The following NDFIP2 variants were observed in gnomAD, a reference collection of about 807,000 sequenced individuals.
NDFIP2 encodes the protein NEDD4 family-interacting protein 2.
NDFIP2 carries 19 observed loss-of-function variants against 36.0 expected under a neutral mutation model. The observed-to-expected ratio is 0.53, with a 90% CI of 0.37 to 0.77. The LOEUF is 0.77. Among genes scored for constraint, NDFIP2 ranks in the 30% least tolerant of loss-of-function variants. The pLI is 0.00. For synonymous variants in NDFIP2, 181 were observed against 167.7 expected (o/e 1.08, Z -0.61); for missense variants, 446 against 435.8 (o/e 1.02, Z -0.21).
chr13:79,490,842 A>G (rs1873198413), intron 1 of NDFIP2, among the ~76,000 whole-genome samples: 1 of 152,216 alleles, frequency 6.6e-6, no homozygotes, highest in African/African-American at 2.4e-5. Context: ...TAATCAGCCA[A>G]GCACCTAGTC....
At chr13:79,529,674 C>A (rs1171392075) in intron 2 of NDFIP2, among the ~76,000 whole-genome samples, 1 of 152,150 alleles carries the variant, frequency 6.6e-6, no homozygotes, top group African/African-American at 2.4e-5. Context: ...GACCTAACTT[C>A]AGGTCCTTAG....
intron 2 of NDFIP2, among the ~76,000 whole-genome samples, chr13:79,528,211 G>GT (rs546878093): frequency 3.3e-4 from 50 of 152,166 alleles, no homozygotes; most frequent in Admixed American, 1.3e-3. Context: ...AGTGAGCTAT[G>GT]TGCCACTGCA....
At chr13:79,525,869 C>T (rs991595242) in intron 2 of NDFIP2, among the ~76,000 whole-genome samples, 3 of 152,172 alleles carry the variant, frequency 2.0e-5, no homozygotes, top group African/African-American at 7.2e-5. Flanking sequence ...TGGTTTTTCT[C>T]TTTTAATTTT....
At position 79,520,875 on chromosome 13, in the gene NDFIP2, A is replaced by G; in HGVS notation, c.387A>G (p.Ala129=). 1 of 1,613,978 alleles carries G rather than the reference A, an allele frequency of 6.2e-7. No individual in the cohort carries two copies. Among genetic ancestry groups the G allele is most frequent in the Non-Finnish European group, 8.5e-7 (1 of 1,179,886 alleles). ...AGCAGCCACCTACTTCAAACCCAGC[A>G]CCGCAGATTGTGCAGGCTGCGTCTT... ...AIEQPPTSNP[A]PQIVQAASSA... The change falls in exon 2 of 8, where the codon GCA becomes GCG. Residue 129 remains alanine (A), a synonymous_variant. Transcript: ENST00000218652.
chr13:79,484,268 G>A (rs1254677056), intron 1 of NDFIP2, among the ~76,000 whole-genome samples: 1 of 152,082 alleles, frequency 6.6e-6, no homozygotes, highest in African/African-American at 2.4e-5. Flanking sequence ...GCCCGCCTTG[G>A]CCTCTCAAAG....
chr13:79,517,813 T>C (rs1198574660), intron 1 of NDFIP2, among the ~76,000 whole-genome samples: 1 of 152,186 alleles, frequency 6.6e-6, no homozygotes, highest in Non-Finnish European at 1.5e-5. Flanking sequence ...TGAAAGTAAG[T>C]TGGTCATTCT....
At chr13:79,510,063 A>G (rs1874023956) in intron 1 of NDFIP2, among the ~76,000 whole-genome samples, 2 of 152,176 alleles carry the variant, frequency 1.3e-5, no homozygotes, top group African/African-American at 2.4e-5. Flanking sequence ...GTTGACACTC[A>G]GTATTAACTA....
chr13:79,494,720 T>C (rs190288341), intron 1 of NDFIP2, among the ~76,000 whole-genome samples: 17 of 152,000 alleles, frequency 1.1e-4, no homozygotes, highest in African/African-American at 3.9e-4. Flanking sequence ...CTCTTTCATT[T>C]TGGTGGAAGA....
intron 1 of NDFIP2, among the ~76,000 whole-genome samples, chr13:79,492,711 G>T (rs938011638): frequency 6.6e-6 from 1 of 152,038 alleles, no homozygotes; most frequent in Admixed American, 6.6e-5. Flanking sequence ...TTAAGTATTT[G>T]TTTTTAACCT....
chr13:79,519,817 T>C (rs1874497127), intron 1 of NDFIP2, among the ~76,000 whole-genome samples: 1 of 152,228 alleles, frequency 6.6e-6, no homozygotes, highest in Non-Finnish European at 1.5e-5. Flanking sequence ...TGAGACGGAG[T>C]CTCGCTCTGT....
intron 1 of NDFIP2, among the ~76,000 whole-genome samples, chr13:79,506,763 TAGAC>T (rs986832671): frequency 1.3e-5 from 2 of 152,110 alleles, no homozygotes; most frequent in Non-Finnish European, 1.5e-5. Flanking sequence ...TGCTTACATA[TAGAC>T]AGACAGGAAT....
At chr13:79,502,555 A>G (rs1873707363) in intron 1 of NDFIP2, among the ~76,000 whole-genome samples, 1 of 152,198 alleles carries the variant, frequency 6.6e-6, no homozygotes, top group Admixed American at 6.6e-5. Context: ...ATGGTTGAAG[A>G]TAGAGGGAAA....
intron 4 of NDFIP2, among the ~76,000 whole-genome samples, chr13:79,543,296 A>T (rs7337248): frequency 0.043 from 6,504 of 152,320 alleles, 484 homozygotes; most frequent in African/African-American, 0.15. Flanking sequence ...AACTGCAGTT[A>T]CAACCATTAA....
At chr13:79,529,674 C>T (rs1171392075) in intron 2 of NDFIP2, among the ~76,000 whole-genome samples, 1 of 152,150 alleles carries the variant, frequency 6.6e-6, no homozygotes, top group African/African-American at 2.4e-5. Flanking sequence ...GACCTAACTT[C>T]AGGTCCTTAG....
chr13:79,492,252 CTT>C (rs780442571), intron 1 of NDFIP2, among the ~76,000 whole-genome samples: 16 of 133,936 alleles, frequency 1.2e-4, no homozygotes, highest in African/African-American at 2.7e-4. Context: ...GTAGTGACAC[CTT>C]TTTTTTTTTT....
chr13:79,505,896 ATTAGTG>A (rs1263859082), intron 1 of NDFIP2, among the ~76,000 whole-genome samples: 1 of 152,110 alleles, frequency 6.6e-6, no homozygotes, highest in Admixed American at 6.5e-5. Context: ...TCTATGTATT[ATTAGTG>A]TTAAATTATT....
At chr13:79,482,169 C>CTTTTTTTTTTTTTTTTTT (rs10558361) in intron 1 of NDFIP2, among the ~76,000 whole-genome samples, 4 of 75,886 alleles carry the variant, frequency 5.3e-5, no homozygotes, top group African/African-American at 1.5e-4. Flanking sequence ...TTCTTTCTTT[C>CTTTTTTTTTTTTTTTTTT]TTTTTTTTTT....
intron 3 of NDFIP2, among the ~76,000 whole-genome samples, chr13:79,539,212 ATGTGTG>A (rs968505763): frequency 6.6e-6 from 1 of 151,904 alleles, no homozygotes; most frequent in Non-Finnish European, 1.5e-5. Context: ...AAGAGGGAAT[ATGTGTG>A]TGTGTGTATA....
intron 1 of NDFIP2, among the ~76,000 whole-genome samples, chr13:79,501,390 C>A (rs970007462): frequency 6.6e-6 from 1 of 151,864 alleles, no homozygotes; most frequent in Non-Finnish European, 1.5e-5. Context: ...ATGGGGGAGG[C>A]TTTGCCTGTG....
Sources: gnomAD v4.1 joint callset for allele counts (sites outside exome capture counted in the v4.1 genomes callset) on GRCh38, gnomAD v4.1.1 for gene constraint, MANE v1.5 for transcripts, NCBI Gene and HGNC (gene_info 2026-07-23, HGNC 2026-07-21) for gene names.